ANKS1A: variants seen among roughly 807,000 people sequenced by gnomAD.
ANKS1A encodes the protein ankyrin repeat and SAM domain-containing protein 1A.
Under a neutral mutation model 120.3 loss-of-function variants are expected in ANKS1A, and 55 were observed. The observed-to-expected ratio is 0.46, with a 90% CI of 0.37 to 0.57. The LOEUF is 0.57. Ranked by LOEUF, ANKS1A falls within the 20% of genes least tolerant of loss-of-function variation. ANKS1A has a pLI of 0.00. For missense variants in ANKS1A, 1,123 were observed against 1,480.3 expected (o/e 0.76, Z 3.96); for synonymous variants, 590 against 604.7 (o/e 0.98, Z 0.36).
Position 34,960,362 on chromosome 6 carries a change from C to T in ANKS1A, c.198-6877C>T, listed in dbSNP as rs1013857886. ...ATTTGTTTGCTTATTCGCTCACTCTCTCCCTCCTCCTAGAAATCAAGCTCC... is the reference window on the plus strand; with the variant it reads ...ATTTGTTTGCTTATTCGCTCACTCTTTCCCTCCTCCTAGAAATCAAGCTCC... On this transcript the variant is annotated intron_variant, in intron 1 of 23. Coordinates refer to ENST00000360359, the MANE Select transcript of ANKS1A (RefSeq NM_015245.3). 2.0e-4 allele frequency among the ~76,000 whole-genome samples: 30 copies of T among 152,146 alleles called. 1 individual carries two copies. The highest frequency in any genetic ancestry group is 2.0e-3 in the Admixed American group (30 of 15,272).
intron 1 of ANKS1A, among the ~76,000 whole-genome samples, chr6:34,910,217 G>T (rs1208328878): frequency 6.6e-6 from 1 of 152,200 alleles, no homozygotes; most frequent in African/African-American, 2.4e-5. Context: ...AGGACTTGGT[G>T]ACTGTTGATT....
chr6:35,015,825 C>A (rs1239109318), intron 10 of ANKS1A, among the ~76,000 whole-genome samples: 1 of 152,226 alleles, frequency 6.6e-6, no homozygotes, highest in Non-Finnish European at 1.5e-5. Context: ...GCATTGGAGA[C>A]TGTGTTTTAG....
At chr6:35,021,243 G>T (rs986251804) in intron 11 of ANKS1A, among the ~76,000 whole-genome samples, 8 of 152,020 alleles carry the variant, frequency 5.3e-5, no homozygotes, top group Admixed American at 3.3e-4. Flanking sequence ...TTTCTTTGTT[G>T]TCCTTGGACC....
intron 1 of ANKS1A, among the ~76,000 whole-genome samples, chr6:34,928,011 A>G (rs192120952): frequency 6.6e-6 from 1 of 152,258 alleles, no homozygotes; most frequent in Admixed American, 6.5e-5. Flanking sequence ...CACCTGGTCC[A>G]CTTGATGCAG....
At chr6:34,895,466 C>T (rs1490121176) in intron 1 of ANKS1A, among the ~76,000 whole-genome samples, 1 of 152,116 alleles carries the variant, frequency 6.6e-6, no homozygotes, top group African/African-American at 2.4e-5. Context: ...ATTATAATGG[C>T]GTGACAGCCT....
chr6:34,963,479 T>C (rs1331472690), intron 1 of ANKS1A, among the ~76,000 whole-genome samples: 1 of 152,228 alleles, frequency 6.6e-6, no homozygotes, highest in Non-Finnish European at 1.5e-5. Context: ...GGAAAGTATG[T>C]CATTGTTTAT....
intron 11 of ANKS1A, among the ~76,000 whole-genome samples, chr6:35,053,677 G>A (rs1259318046): frequency 6.6e-6 from 1 of 152,242 alleles, no homozygotes; most frequent in East Asian, 1.9e-4. Context: ...ACTCAGGGTA[G>A]CATGGAACAA....
chr6:34,932,758 G>A (rs1051562499), intron 1 of ANKS1A, among the ~76,000 whole-genome samples: 1 of 152,122 alleles, frequency 6.6e-6, no homozygotes, highest in Non-Finnish European at 1.5e-5. Flanking sequence ...ATCAGTTAAT[G>A]GAAATTTATG....
chr6:34,950,512 A>C (rs1395018262), intron 1 of ANKS1A, among the ~76,000 whole-genome samples: 2 of 152,058 alleles, frequency 1.3e-5, no homozygotes, highest in Non-Finnish European at 2.9e-5. Context: ...TACAGGTGTG[A>C]GCCACCGCGC....
intron 11 of ANKS1A, among the ~76,000 whole-genome samples, chr6:35,045,394 T>G (rs1441561291): frequency 6.6e-6 from 1 of 152,194 alleles, no homozygotes; most frequent in African/African-American, 2.4e-5. Context: ...AGTGACGACT[T>G]TTTTTCACCT....
At chr6:35,048,857 A>T (rs930264400) in intron 11 of ANKS1A, among the ~76,000 whole-genome samples, 2 of 152,200 alleles carry the variant, frequency 1.3e-5, no homozygotes, top group Non-Finnish European at 2.9e-5. Context: ...GCTGCGGCTC[A>T]GTCGCTCAGC....
chr6:35,091,827 G>GGTTAA (rs147834497), downstream of ANKS1A, among the ~76,000 whole-genome samples: 206 of 152,312 alleles, frequency 1.4e-3, no homozygotes, highest in African/African-American at 4.7e-3. Flanking sequence ...GGATTGCAGA[G>GGTTAA]GTTAAGTTTT....
chr6:35,072,528 G>C, intron 13 of ANKS1A, among the ~76,000 whole-genome samples: 1 of 152,356 alleles, frequency 6.6e-6, no homozygotes, highest in Middle Eastern at 3.4e-3. Flanking sequence ...CAATAGGCCA[G>C]GCTGGCTTCT....
chr6:34,994,473 G>T, intron 10 of ANKS1A, 51 bp downstream of exon 10: 3 of 1,593,492 alleles, frequency 1.9e-6, no homozygotes, highest in Non-Finnish European at 2.6e-6. Flanking sequence ...GATTTTTAAA[G>T]TTTGTGATCC....
At chr6:35,004,768 A>C (rs1004666975) in intron 10 of ANKS1A, among the ~76,000 whole-genome samples, 3 of 152,184 alleles carry the variant, frequency 2.0e-5, no homozygotes, top group Admixed American at 6.5e-5. Flanking sequence ...AATTTTTTTT[A>C]AGTAACTGCC....
intron 11 of ANKS1A, among the ~76,000 whole-genome samples, chr6:35,052,609 T>TA (rs59378149): frequency 0.024 from 2,483 of 102,360 alleles, 45 homozygotes; most frequent in East Asian, 0.094. Context: ...TCTTCTCTGT[T>TA]AAAAAAAAAA....
chr6:34,959,579 G>A (rs777357217), intron 1 of ANKS1A, among the ~76,000 whole-genome samples: 2 of 152,354 alleles, frequency 1.3e-5, no homozygotes, highest in Middle Eastern at 3.4e-3. Flanking sequence ...GGATGATCTG[G>A]AATATCTGAG....
rs529372123 is a variant in ANKS1A at position 35,049,861 on chromosome 6, G to A, written c.2011-4238G>A. Among the ~76,000 whole-genome samples, 4 of 152,314 alleles carry A rather than the reference G, an allele frequency of 2.6e-5. No homozygotes were observed. The East Asian group carries it at 7.7e-4, about 29-fold the overall frequency. On this transcript the variant is annotated intron_variant, in intron 11 of 23. Coordinates refer to ENST00000360359, the MANE Select transcript of ANKS1A (RefSeq NM_015245.3). ...ACAGCCGTGACTTGTACTGCCTCCT[G>A]AAAGGGAGCCAAGTTACACCAAAGC... is the stretch of plus-strand genomic sequence containing the variant.
chr6:35,003,660 C>A (rs1255722088), intron 10 of ANKS1A, among the ~76,000 whole-genome samples: 2 of 148,246 alleles, frequency 1.3e-5, no homozygotes, highest in African/African-American at 4.9e-5. Context: ...ACCTGTACTT[C>A]TTCAAGTGAT....
Sources: gnomAD v4.1 joint callset for allele counts (sites outside exome capture counted in the v4.1 genomes callset) on GRCh38, gnomAD v4.1.1 for gene constraint, MANE v1.5 for transcripts, NCBI Gene and HGNC (gene_info 2026-07-23, HGNC 2026-07-21) for gene names.